LAMP1: variants seen among roughly 807,000 people sequenced by gnomAD.
LAMP1 encodes lysosome associated membrane protein 1, also known as lysosome-associated membrane glycoprotein 1.
In LAMP1, 7 loss-of-function variants were observed where a neutral mutation model predicts 37.5. That is an observed-to-expected ratio of 0.19 (90% CI 0.11 to 0.35). The LOEUF is 0.35. Among genes scored for constraint, LAMP1 ranks in the 10% least tolerant of loss-of-function variants. The pLI, the probability that LAMP1 is intolerant of heterozygous loss-of-function variation, is 1.00. For missense variants in LAMP1, 537 were observed against 552.8 expected (o/e 0.97, Z 0.29); for synonymous variants, 236 against 229.1 (o/e 1.03, Z -0.27).
intron 4 of LAMP1, among the ~76,000 whole-genome samples, chr13:113,315,283 G>T (rs866011593): frequency 4.6e-5 from 7 of 151,248 alleles, no homozygotes; most frequent in Non-Finnish European, 1.0e-4. Flanking sequence ...CTCCTGGAGG[G>T]AACCAGCGTG....
intron 8 of LAMP1, 180 bp from the exon 9 acceptor site, chr13:113,322,102 C>T (rs1157606587): frequency 1.9e-5 from 13 of 676,734 alleles, no homozygotes; most frequent in South Asian, 1.6e-4. Context: ...GTTTCCTCGC[C>T]GTGCAGAGAG....
chr13:113,306,601 C>T lies in LAMP1; in HGVS notation c.178C>T (p.Pro60Ser). ...FSVNYDTKSG[P>S]KNMTFDLPSD... Reference sequence around the variant, plus strand: ...AGTGAACTACGACACCAAGAGTGGCCCTAAGGTAGGAAACACCAGGGCACT... The same window carrying T: ...AGTGAACTACGACACCAAGAGTGGCTCTAAGGTAGGAAACACCAGGGCACT... The change falls in exon 2 of 9, where the codon CCT (proline) becomes TCT (serine). Residue 60 changes from proline to serine, a missense_variant. Transcript: ENST00000332556. 1.2e-6 allele frequency: 2 copies of T among 1,613,184 alleles called. No individual in the cohort carries two copies. Among genetic ancestry groups the T allele is most frequent in the Middle Eastern group, 3.3e-4 (2 of 6,060 alleles).
intron 8 of LAMP1, chr13:113,322,068 CCAGACGGGGGA>C: frequency 3.4e-6 from 2 of 594,568 alleles, no homozygotes; most frequent in East Asian, 5.6e-5. Flanking sequence ...GCCCCTGATT[CCAGACGGGGGA>C]GAGACGTGTG....
In LAMP1 at chr13:113,321,505, G is replaced by GCCCCCA. The variant is rs201296082; in HGVS notation, c.943+38_943+39insCCACCC. ...CACAATCTCTGCGAGCCCCGCCCCC[G>GCCCCCA]CCCGCGCGCCCAGGGTATTCTGGAG... On this transcript the variant is annotated intron_variant, in intron 7 of 8. Transcript: ENST00000332556. The surrounding 1 kb of genome is among the most constrained non-coding windows in gnomAD (Gnocchi z 5.6). 6.3e-7 allele frequency: 1 copy of GCCCCCA among 1,576,098 alleles called. No individual in the cohort carries two copies. The highest frequency in any genetic ancestry group is 1.7e-5 in the Admixed American group (1 of 59,684).
chr13:113,320,413 G>T lies in LAMP1; in HGVS notation c.819G>T (p.Leu273=), dbSNP rs1249855585. The change falls in exon 6 of 9, where the codon CTG becomes CTT. Residue 273 remains leucine, a synonymous_variant. Coordinates refer to ENST00000332556, the MANE Select transcript of LAMP1 (RefSeq NM_005561.4). The surrounding 1 kb of genome is among the most constrained non-coding windows in gnomAD (Gnocchi z 4.4). ...CCAGCGGGAGCTGCGGCGCCCACCT[G>T]GTGACTCTGGAGCTGCACAGCGAGG... ...TSASGSCGAH[L]VTLELHSEGT... The T allele has an allele frequency of 6.2e-7, 1 of 1,612,582 alleles. No individual in the cohort carries two copies. Among genetic ancestry groups the T allele is most frequent in the African/African-American group, 1.3e-5 (1 of 74,894 alleles).
chr13:113,311,217 A>T (rs529940371), intron 4 of LAMP1, among the ~76,000 whole-genome samples: 9 of 152,274 alleles, frequency 5.9e-5, no homozygotes, highest in African/African-American at 2.2e-4. Context: ...TGGTCAGAAG[A>T]TAGAGCGTTT....
rs927305841 is a variant in LAMP1, at chr13:113,321,825, C to T, written c.1114+98C>T. On this transcript the variant is annotated intron_variant, in intron 8 of 8. Coordinates refer to ENST00000332556, the MANE Select transcript of LAMP1 (RefSeq NM_005561.4). The surrounding 1 kb of genome is among the most constrained non-coding windows in gnomAD (Gnocchi z 5.6). ...CGCTTCCGTGTGGGCTGGGGCGACG[C>T]CCCTGTTCCTCTGCAAGGAGCTGTT... is the stretch of plus-strand genomic sequence containing the variant. 1.6e-5 allele frequency: 20 copies of T among 1,217,700 alleles called. No individual in the cohort carries two copies. In the East Asian group the frequency reaches 4.2e-4, roughly 26 times the overall value. 75.4% of individuals were successfully genotyped at this position (1,217,700 alleles called of 1,614,324 possible).
rs973336306 is a variant in LAMP1 at position 113,297,287 on chromosome 13, A to G, written c.-148A>G. ...GGTGTCTTCTTCGTGCCGGCGTCGC[A>G]GTGGCCGGGCCTCTTGCGTCTGGTA... On this transcript the variant is annotated 5_prime_UTR_variant, in exon 1 of 9. Coordinates refer to ENST00000332556, the MANE Select transcript of LAMP1 (RefSeq NM_005561.4). This position sits in a 1 kb window ranked among gnomAD's most constrained non-coding sequence, Gnocchi z 4.4. The G allele has an allele frequency of 1.1e-5, 2 of 174,364 alleles. No homozygotes were observed. The highest frequency in any genetic ancestry group is 2.4e-5 in the African/African-American group (1 of 41,882). The allele number at this position is 174,364 out of a possible 1,614,324, so 10.8% of individuals were successfully genotyped here. A position where few individuals can be genotyped will look rare whatever the true frequency, so the allele number is the denominator to read the frequency against.
chr13:113,319,584 C>T lies in LAMP1; in HGVS notation c.678C>T (p.Gly226=). ...CTGTGGACAAGTACAACGTGAGCGGCACCAACGGGACCTGCCTGCTGGCCA... is the reference window on the plus strand; with the variant it reads ...CTGTGGACAAGTACAACGTGAGCGGTACCAACGGGACCTGCCTGCTGGCCA... The part of the protein sequence containing the change: ...SPSVDKYNVS[G]TNGTCLLASM... The change falls in exon 5 of 9, where the codon GGC becomes GGT. Residue 226 remains glycine (G), a synonymous_variant. Transcript: ENST00000332556. The T allele has an allele frequency of 6.2e-7, 1 of 1,614,002 alleles. No individual in the cohort carries two copies.
intron 4 of LAMP1, among the ~76,000 whole-genome samples, chr13:113,317,642 C>T (rs1235904111): frequency 6.6e-6 from 1 of 151,044 alleles, no homozygotes; most frequent in Non-Finnish European, 1.5e-5. Flanking sequence ...GCACATTTAA[C>T]TTTTGCCTGT....
rs150539826 is a variant in LAMP1, at chr13:113,308,506, G to A, written c.184-1137G>A. ...CGCCCAGCTAATTTTTGTATTTTTA[G>A]TAGAGACAGGGATTCTCCATGTTGG... On this transcript the variant is annotated intron_variant, in intron 2 of 8. Coordinates refer to ENST00000332556, the MANE Select transcript of LAMP1 (RefSeq NM_005561.4). Among the ~76,000 whole-genome samples the A allele has an allele frequency of 2.5e-3, 376 of 151,358 alleles. 1 individual carries two copies. The highest frequency in any genetic ancestry group is 8.9e-3 in the African/African-American group (366 of 41,190).
chr13:113,297,771 G>A lies in LAMP1; in HGVS notation c.61+276G>A. Among the ~76,000 whole-genome samples the A allele has an allele frequency of 6.6e-6, 1 of 152,230 alleles. No individual in the cohort carries two copies. Among genetic ancestry groups the A allele is most frequent in the Non-Finnish European group, 1.5e-5 (1 of 68,030 alleles). On this transcript the variant is annotated intron_variant, in intron 1 of 8. Transcript: ENST00000332556. The surrounding 1 kb of genome is among the most constrained non-coding windows in gnomAD (Gnocchi z 4.4). Reference sequence around the variant, plus strand: ...CACTGAACTCAGTTTTTCTGTGGTGGTGAGTGCGAAAGGGAACTTCCGATG... The same window carrying A: ...CACTGAACTCAGTTTTTCTGTGGTGATGAGTGCGAAAGGGAACTTCCGATG...
chr13:113,301,670 T>C (rs865949144), intron 1 of LAMP1, among the ~76,000 whole-genome samples: 1 of 84,308 alleles, frequency 1.2e-5, no homozygotes, highest in Non-Finnish European at 2.6e-5. Context: ...TATATATATA[T>C]ATATATATAT....
chr13:113,319,393 C>T, intron 4 of LAMP1, 76 bp from the exon 5 acceptor site: 2 of 1,350,412 alleles, frequency 1.5e-6, no homozygotes, highest in Non-Finnish European at 2.0e-6. Context: ...AGTTTTGTTT[C>T]TGAGTTTGGA....
intron 4 of LAMP1, among the ~76,000 whole-genome samples, chr13:113,311,217 A>G (rs529940371): frequency 7.9e-5 from 12 of 152,156 alleles, no homozygotes; most frequent in Non-Finnish European, 1.2e-4. Context: ...TGGTCAGAAG[A>G]TAGAGCGTTT....
chr13:113,300,684 G>C (rs2042566473), intron 1 of LAMP1, among the ~76,000 whole-genome samples: 1 of 151,806 alleles, frequency 6.6e-6, no homozygotes, highest in East Asian at 1.9e-4. Flanking sequence ...CAGGCGTAGT[G>C]GCACAGGCCT....
chr13:113,312,997 G>GA (rs2042638588), intron 4 of LAMP1, among the ~76,000 whole-genome samples: 1 of 152,240 alleles, frequency 6.6e-6, no homozygotes, highest in African/African-American at 2.4e-5. Context: ...AGAGGAAAAG[G>GA]AAGGGCACGC....
In LAMP1 at chr13:113,318,177, C is replaced by T. The variant is rs372398172; in HGVS notation, c.563-1292C>T. On this transcript the variant is annotated intron_variant, in intron 4 of 8. Transcript: ENST00000332556. ...GCTCTGTCCAGAAGGGGCTTTTACA[C>T]CGGGGTGCGGGGGCACTCCTGTGTG... Among the ~76,000 whole-genome samples, 154 of 152,356 alleles carry T rather than the reference C, an allele frequency of 1.0e-3. 3 individuals are homozygous for T. The South Asian group carries it at 0.031, about 31-fold the overall frequency.
chr13:113,314,152 G>A (rs528844533), intron 4 of LAMP1, among the ~76,000 whole-genome samples: 6 of 116,046 alleles, frequency 5.2e-5, no homozygotes, highest in Non-Finnish European at 6.5e-5. Context: ...GGAGATGCCC[G>A]TGTGCCTGGG....
Sources: allele counts gnomAD v4.1 joint callset (sites outside exome capture counted in the v4.1 genomes callset), GRCh38; gene constraint gnomAD v4.1.1; non-coding constraint Gnocchi (gnomAD v3.1); transcripts MANE v1.5; gene names NCBI Gene and HGNC (gene_info 2026-07-23, HGNC 2026-07-21).